Variants in ATP2C2 observed in about 807,000 individuals in gnomAD.
ATP2C2 encodes calcium-transporting ATPase type 2C member 2.
A neutral mutation model predicts 110.8 loss-of-function variants in ATP2C2; 171 were observed. The observed-to-expected ratio is 1.54, with a 90% CI of 1.36 to 1.75. ATP2C2 has a LOEUF of 1.75. Ranked by LOEUF, ATP2C2 falls within the 40% of genes most tolerant of loss-of-function variation. The probability of loss-of-function intolerance (pLI) is 0.00; values close to 1 mark genes in which losing one functional copy is unlikely to be tolerated. For missense variants in ATP2C2, 1,963 were observed against 1,235.0 expected (o/e 1.59, Z -8.84); for synonymous variants, 804 against 508.4 (o/e 1.58, Z -7.82).
At chr16:84,431,988 C>T (rs1908321564) in intron 11 of ATP2C2, among the ~76,000 whole-genome samples, 2 of 152,106 alleles carry the variant, frequency 1.3e-5, no homozygotes, top group South Asian at 4.2e-4. Context: ...CAGAGGCAGG[C>T]ACTGGAGAGC....
intron 14 of ATP2C2, 148 bp from the exon 15 acceptor site, chr16:84,442,362 T>A: frequency 1.4e-6 from 1 of 725,402 alleles, no homozygotes; most frequent in Non-Finnish European, 2.4e-6. Flanking sequence ...AGTCACGATG[T>A]TTCTTTTAAA....
intron 6 of ATP2C2, 62 bp downstream of exon 6, chr16:84,410,827 T>C: frequency 1.3e-6 from 2 of 1,515,114 alleles, no homozygotes; most frequent in African/African-American, 1.4e-5. Context: ...CTGGAGAGTT[T>C]GGCAAATGTT....
chr16:84,415,827 A>C (rs1906786232), intron 7 of ATP2C2, among the ~76,000 whole-genome samples: 1 of 152,222 alleles, frequency 6.6e-6, no homozygotes, highest in African/African-American at 2.4e-5. Context: ...CTTTGGCTAT[A>C]CGATTTTCCA....
chr16:84,460,576 G>C (rs549823079), intron 23 of ATP2C2, 78 bp from the exon 24 acceptor site: 4 of 1,599,380 alleles, frequency 2.5e-6, no homozygotes, highest in Admixed American at 1.7e-5. Context: ...GGCCTGGGAG[G>C]CTCAGGCACA....
At chr16:84,372,057 G>C (rs983059111) in intron 1 of ATP2C2, among the ~76,000 whole-genome samples, 1 of 152,176 alleles carries the variant, frequency 6.6e-6, no homozygotes, top group African/African-American at 2.4e-5. Context: ...GATTGACAGC[G>C]AGTTCTAGAC....
chr16:84,410,971 C>T (rs534680791), intron 6 of ATP2C2: 17 of 598,298 alleles, frequency 2.8e-5, no homozygotes, highest in African/African-American at 2.2e-4. Flanking sequence ...TGGGCCTCAG[C>T]TCCATCATCA....
At chr16:84,416,685 A>G (rs936642502) in intron 7 of ATP2C2, among the ~76,000 whole-genome samples, 2 of 152,160 alleles carry the variant, frequency 1.3e-5, no homozygotes, top group African/African-American at 2.4e-5. Flanking sequence ...TTCAGTTACC[A>G]AAGTGAGGGA....
At position 84,387,274 on chromosome 16, in the gene ATP2C2, C is replaced by T. The variant is rs542101289; in HGVS notation, c.100-11225C>T. Reference sequence around the variant, plus strand: ...CGGTGGCTCGTGCCTGTAATCCCAGCGCGTTGGGAGGCCCAGGCGAGTGGA... The same window carrying T: ...CGGTGGCTCGTGCCTGTAATCCCAGTGCGTTGGGAGGCCCAGGCGAGTGGA... On this transcript the variant is annotated intron_variant, in intron 1 of 26. Transcript: ENST00000262429. Among the ~76,000 whole-genome samples the T allele has an allele frequency of 1.8e-4, 28 of 152,286 alleles. No homozygotes were observed. In the South Asian group the frequency reaches 5.0e-3, roughly 27 times the overall value.
rs761680882 is a variant in ATP2C2, at chr16:84,440,823, T to C, written c.1210-34T>C. The C allele has an allele frequency of 2.6e-6, 4 of 1,556,350 alleles. No individual in the cohort carries two copies. The Admixed American group carries it at 7.2e-5, about 28-fold the overall frequency. On this transcript the variant is annotated intron_variant, in intron 13 of 26. Coordinates refer to ENST00000262429, the MANE Select transcript of ATP2C2 (RefSeq NM_014861.4). ...AACTGGGGGAGCATGTTTTTGACTCTTGGCGAAACCCTTTCTTCTGCCTCG... is the reference window on the plus strand; with the variant it reads ...AACTGGGGGAGCATGTTTTTGACTCCTGGCGAAACCCTTTCTTCTGCCTCG...
At chr16:84,392,755 G>A (rs760377068) in intron 1 of ATP2C2, among the ~76,000 whole-genome samples, 1 of 152,176 alleles carries the variant, frequency 6.6e-6, no homozygotes, top group African/African-American at 2.4e-5. Flanking sequence ...GAGCCACTGC[G>A]CCCGGCCCAT....
rs559450234 is a variant in ATP2C2, at chr16:84,445,278, C to T, written c.1402-1051C>T. Among the ~76,000 whole-genome samples the T allele has an allele frequency of 7.2e-5, 11 of 151,732 alleles. No individual in the cohort carries two copies. In the South Asian group the frequency reaches 1.9e-3, roughly 26 times the overall value. On this transcript the variant is annotated intron_variant, in intron 15 of 26. Coordinates refer to ENST00000262429, the MANE Select transcript of ATP2C2 (RefSeq NM_014861.4). The stretch of plus-strand genomic sequence containing the variant: ...GGCTGGAGTGCACTGGCTTGATCTC[C>T]GCTCACTGCAACCTCCGCCTCCCAG...
At chr16:84,374,321 G>C (rs1910132042) in intron 1 of ATP2C2, among the ~76,000 whole-genome samples, 1 of 152,160 alleles carries the variant, frequency 6.6e-6, no homozygotes, top group Non-Finnish European at 1.5e-5. Flanking sequence ...GTGTGTGTCA[G>C]CCTTCACTGG....
At chr16:84,419,176 G>T (rs575367237) in intron 7 of ATP2C2, among the ~76,000 whole-genome samples, 1 of 128,072 alleles carries the variant, frequency 7.8e-6, no homozygotes, top group South Asian at 2.7e-4. Context: ...CCACTGCACT[G>T]TAGCCTGGGT....
rs1371520869 is a variant in ATP2C2, at chr16:84,448,574, G to A, written c.1545G>A (p.Glu515=). 1.2e-6 allele frequency: 2 copies of A among 1,613,674 alleles called. No individual in the cohort carries two copies. The highest frequency in any genetic ancestry group is 1.7e-6 in the Non-Finnish European group (2 of 1,179,832). ...ACTTCATGAAAGGGGCCTTGGAAGA[G>A]GTGATCCGCTACTGCACCATGTACA... ...DIYFMKGALE[E]VIRYCTMYNN... The change falls in exon 17 of 27, where the codon GAG becomes GAA. Residue 515 remains glutamate, a synonymous_variant. Transcript: ENST00000262429.
At chr16:84,391,980 T>A (rs1010462759) in intron 1 of ATP2C2, among the ~76,000 whole-genome samples, 4 of 152,132 alleles carry the variant, frequency 2.6e-5, no homozygotes, top group Non-Finnish European at 5.9e-5. Flanking sequence ...GTTTTTTTTT[T>A]AATTTGATGA....
intron 23 of ATP2C2, 109 bp from the exon 24 acceptor site, chr16:84,460,545 C>G (rs1056357307): frequency 6.7e-7 from 1 of 1,498,386 alleles, no homozygotes; most frequent in Admixed American, 1.7e-5. Context: ...AAATGCCTGG[C>G]CCTGCCCCCT....
chr16:84,411,838 T>C (rs1906324462), intron 6 of ATP2C2, among the ~76,000 whole-genome samples: 1 of 152,194 alleles, frequency 6.6e-6, no homozygotes, highest in Admixed American at 6.5e-5. Flanking sequence ...GCTTAGAACA[T>C]CTGCGGGGGC....
At chr16:84,459,237 G>A (rs1472864126) in intron 22 of ATP2C2, 33 bp from the exon 23 acceptor site, 5 of 1,614,090 alleles carry the variant, frequency 3.1e-6, no homozygotes, top group Middle Eastern at 1.7e-4. Context: ...ACGCCTGGCG[G>A]GCGGCCGCTG....
intron 23 of ATP2C2, 43 bp downstream of exon 23, chr16:84,459,429 C>T (rs755398943): frequency 4.4e-6 from 7 of 1,605,184 alleles, no homozygotes; most frequent in African/African-American, 2.7e-5. Context: ...CTTTACCCAC[C>T]TGCGGGGCTT....
Sources: allele counts gnomAD v4.1 joint callset (sites outside exome capture counted in the v4.1 genomes callset), GRCh38; gene constraint gnomAD v4.1.1; transcripts MANE v1.5; gene names NCBI Gene and HGNC (gene_info 2026-07-23, HGNC 2026-07-21).